The following VWA8 variants were observed in gnomAD, a reference collection of about 807,000 sequenced individuals.
VWA8 encodes the protein von Willebrand factor A domain-containing protein 8.
VWA8 carries 221 observed loss-of-function variants against 241.5 expected under a neutral mutation model. The ratio of observed to expected loss-of-function variants is 0.91; its 90% CI spans 0.82 to 1.02. The LOEUF is 1.02. Ranked by LOEUF, VWA8 falls within the 50% of genes least tolerant of loss-of-function variation. The pLI is 0.00. For synonymous variants in VWA8, 852 were observed against 827.1 expected (o/e 1.03, Z -0.52); for missense variants, 2,322 against 2,328.7 (o/e 1.00, Z 0.06).
intron 37 of VWA8, among the ~76,000 whole-genome samples, chr13:41,669,869 G>A (rs114206808): frequency 2.1e-3 from 321 of 152,202 alleles, no homozygotes; most frequent in African/African-American, 7.4e-3. Flanking sequence ...ATCAGTCCAT[G>A]GCACTTACTT....
chr13:41,685,047 CT>C lies in VWA8; in HGVS notation c.4326del (p.Asp1443MetfsTer11). 6.2e-7 allele frequency: 1 copy of C among 1,612,218 alleles called. No individual in the cohort carries two copies. The highest frequency in any genetic ancestry group is 1.3e-5 in the African/African-American group (1 of 74,800). On this transcript the variant is annotated frameshift_variant and splice_region_variant, in exon 35 of 45. Transcript: ENST00000379310. LOFTEE classifies it high-confidence loss of function. ...GEVPLKDIYPKDVTPPQTSGY... is the reference protein window; with the variant it reads ...GEVPLKDIYPXDVTPPQTSGY... ...TAGGAATTGGTGAGTTCCTTCTTAC[CT>C]TTTGGGTAGATATCTTTTAGAGGGA... is the stretch of plus-strand genomic sequence containing the variant.
At chr13:41,573,090 C>T (rs555150400) in intron 43 of VWA8, among the ~76,000 whole-genome samples, 1 of 117,214 alleles carries the variant, frequency 8.5e-6, no homozygotes, top group African/African-American at 3.4e-5. Flanking sequence ...GCCTGGGCGA[C>T]AGAGCAAGAC....
chr13:41,610,303 C>T (rs1396313157), intron 39 of VWA8, among the ~76,000 whole-genome samples: 1 of 152,198 alleles, frequency 6.6e-6, no homozygotes, highest in East Asian at 1.9e-4. Context: ...GAGGCATAAA[C>T]ACTTTCATTC....
In VWA8 at chr13:41,570,665, G is replaced by C; in HGVS notation, c.5412C>G (p.His1804Gln). Residue 1804 changes from histidine to glutamine, a missense_variant, in exon 44 of 45, where the codon CAC (histidine) becomes CAG (glutamine). By Grantham distance (24) the His-to-Gln change is conservative. Transcript: ENST00000379310. Reference sequence around the variant, plus strand: ...TGGCATGTTCTGTCCCTTCTAACGTGTGGTCCCCACTCATGCAGAACTGAG... The same window carrying C: ...TGGCATGTTCTGTCCCTTCTAACGTCTGGTCCCCACTCATGCAGAACTGAG... ...AHSQFCMSGD[H>Q]TLEGTEHAIK... 1.2e-6 allele frequency: 2 copies of C among 1,614,204 alleles called. No individual in the cohort carries two copies. Among genetic ancestry groups the C allele is most frequent in the South Asian group, 2.2e-5 (2 of 91,090 alleles).
chr13:41,701,592 A>G (rs900424187), intron 27 of VWA8, 62 bp from the exon 28 acceptor site: 4 of 1,433,634 alleles, frequency 2.8e-6, no homozygotes, highest in Non-Finnish European at 3.7e-6. Flanking sequence ...TAGAAAAGCT[A>G]AAGTTCTTCC....
chr13:41,870,526 C>T (rs1873542209), intron 9 of VWA8, among the ~76,000 whole-genome samples: 1 of 151,494 alleles, frequency 6.6e-6, no homozygotes, highest in South Asian at 2.1e-4. Flanking sequence ...GTAATCCCAG[C>T]TACTCGGGAG....
chr13:41,573,484 A>AAAAAAAAT (rs1555303579), intron 43 of VWA8, among the ~76,000 whole-genome samples: 9 of 117,028 alleles, frequency 7.7e-5, no homozygotes, highest in African/African-American at 3.0e-4. Flanking sequence ...TAAAAAAAAA[A>AAAAAAAAT]AAATATATAT....
intron 9 of VWA8, among the ~76,000 whole-genome samples, chr13:41,871,864 C>G (rs1050423937): frequency 1.3e-5 from 2 of 152,184 alleles, no homozygotes; most frequent in Non-Finnish European, 2.9e-5. Flanking sequence ...AGCTCTAGAT[C>G]CCTGAGAAAT....
intron 14 of VWA8, among the ~76,000 whole-genome samples, chr13:41,820,513 G>A (rs1327829171): frequency 6.6e-6 from 1 of 152,088 alleles, no homozygotes; most frequent in Non-Finnish European, 1.5e-5. Context: ...AAAACAAGGG[G>A]AAACCAATTT....
intron 21 of VWA8, among the ~76,000 whole-genome samples, chr13:41,744,638 G>A (rs9652183): frequency 0.32 from 48,765 of 151,892 alleles, 8,181 homozygotes; most frequent in South Asian, 0.37. Flanking sequence ...ATTGAATAAG[G>A]AGAAAGTTGG....
chr13:41,588,459 G>T (rs1742757746), intron 41 of VWA8, among the ~76,000 whole-genome samples: 1 of 152,190 alleles, frequency 6.6e-6, no homozygotes, highest in Non-Finnish European at 1.5e-5. Context: ...AGGGGCTCAT[G>T]CCTGTAATCC....
intron 18 of VWA8, among the ~76,000 whole-genome samples, chr13:41,785,150 G>A (rs1463261361): frequency 3.9e-5 from 6 of 151,942 alleles, no homozygotes; most frequent in African/African-American, 9.7e-5. Flanking sequence ...TACAATGATA[G>A]AAGCTATCAT....
chr13:41,745,441 T>A (rs2045598284), intron 21 of VWA8, among the ~76,000 whole-genome samples: 2 of 151,898 alleles, frequency 1.3e-5, no homozygotes. Context: ...TGGGAGAAAA[T>A]TTTTGCAATT....
At chr13:41,647,211 C>A (rs950112023) in intron 37 of VWA8, among the ~76,000 whole-genome samples, 9 of 152,080 alleles carry the variant, frequency 5.9e-5, no homozygotes, top group Non-Finnish European at 7.4e-5. Context: ...ACTTTGATGG[C>A]CTGCCTGTGG....
chr13:41,686,073 C>A (rs2045134275), intron 34 of VWA8, among the ~76,000 whole-genome samples: 1 of 152,086 alleles, frequency 6.6e-6, no homozygotes, highest in African/African-American at 2.4e-5. Flanking sequence ...TGTCCAAATA[C>A]CACTAACTTT....
chr13:41,882,589 G>T (rs1307845295), intron 9 of VWA8, among the ~76,000 whole-genome samples: 1 of 152,248 alleles, frequency 6.6e-6, no homozygotes, highest in Admixed American at 6.5e-5. Context: ...ATCACTCGCG[G>T]TTAGGAGCTG....
At chr13:41,759,864 C>T (rs2045727061) in intron 21 of VWA8, among the ~76,000 whole-genome samples, 1 of 151,682 alleles carries the variant, frequency 6.6e-6, no homozygotes, top group African/African-American at 2.4e-5. Flanking sequence ...AGTCAATTTA[C>T]TGTTGAATCA....
rs1258545558 is a variant in VWA8 at position 41,587,562 on chromosome 13, C to T, written c.5221G>A (p.Ala1741Thr). ...AAGGCTTCCATGACCATACACACAG[C>T]CTCCATTGTGCGCTCAAGCCGGCCA... The part of the protein sequence containing the change: ...MDGRLERTME[A>T]VCMVMEAFEN... Residue 1741 changes from alanine (A) to threonine (T), a missense_variant, in exon 42 of 45, where the codon GCT becomes ACT. Physicochemically the swap from Ala to Thr is moderately conservative, Grantham distance 58 (BLOSUM62 0). Coordinates refer to ENST00000379310, the MANE Select transcript of VWA8 (RefSeq NM_015058.2). The T allele has an allele frequency of 6.2e-7, 1 of 1,614,188 alleles. No homozygotes were observed. The highest frequency in any genetic ancestry group is 2.2e-5 in the East Asian group (1 of 44,890).
At chr13:41,859,687 G>A (rs1275833647) in intron 12 of VWA8, among the ~76,000 whole-genome samples, 2 of 152,128 alleles carry the variant, frequency 1.3e-5, no homozygotes, top group African/African-American at 4.8e-5. Context: ...AAAAGAATCT[G>A]ACCTAACACT....
Sources: allele counts gnomAD v4.1 joint callset (sites outside exome capture counted in the v4.1 genomes callset), GRCh38; gene constraint gnomAD v4.1.1; transcripts MANE v1.5; gene names NCBI Gene and HGNC (gene_info 2026-07-23, HGNC 2026-07-21).